The following GPHN variants were observed in gnomAD, a reference collection of about 807,000 sequenced individuals.
The protein encoded by GPHN is gephyrin.
A neutral mutation model predicts 95.5 loss-of-function variants in GPHN; 17 were observed. The observed-to-expected ratio is 0.18, with a 90% CI of 0.12 to 0.27. The LOEUF (loss-of-function observed/expected upper bound fraction) is 0.27. Ranked by LOEUF, GPHN falls within the 10% of genes least tolerant of loss-of-function variation. The probability of loss-of-function intolerance (pLI) is 1.00; values close to 1 mark genes in which losing one functional copy is unlikely to be tolerated. For synonymous variants in GPHN, 320 were observed against 322.5 expected, an observed-to-expected ratio of 0.99 and a Z score of 0.08; for missense variants, 660 against 978.1, an observed-to-expected ratio of 0.67 and a Z score of 4.34.
chr14:67,019,455 C>T (rs1000877569), intron 9 of GPHN, among the ~76,000 whole-genome samples: 1 of 152,064 alleles, frequency 6.6e-6, no homozygotes, highest in Admixed American at 6.6e-5. Flanking sequence ...CAATATGAAC[C>T]ATACTGTATA....
At chr14:66,704,902 G>A (rs2208527) in intron 2 of GPHN, among the ~76,000 whole-genome samples, 51,992 of 151,864 alleles carry the variant, frequency 0.34, 13,435 homozygotes, top group African/African-American at 0.7. Flanking sequence ...GATTAACACA[G>A]TAGATAGACT....
chr14:66,826,701 T>G (rs372955402), intron 4 of GPHN, among the ~76,000 whole-genome samples: 26 of 152,300 alleles, frequency 1.7e-4, no homozygotes, highest in African/African-American at 6.0e-4. Flanking sequence ...AATAGCCAAA[T>G]GCAGGAGATG....
the GPHN span, among the ~76,000 whole-genome samples, chr14:67,280,792 TTTCCTTCCTTCCTTCCTTCCTTCCTTCC>T: frequency 1.3e-5 from 1 of 77,604 alleles, no homozygotes; most frequent in African/African-American, 4.9e-5. Context: ...TCTGGAGCAG[TTTCCTTCCTTCCTTCCTTCCTTCCTTCC>T]TTCCTTCCTT....
intron 3 of GPHN, among the ~76,000 whole-genome samples, chr14:66,808,396 C>A (rs561334720): frequency 7.4e-4 from 113 of 152,260 alleles, no homozygotes; most frequent in Non-Finnish European, 1.4e-3. Flanking sequence ...ATTGGCTTGT[C>A]AATCTTTCAG....
At chr14:66,648,996 A>G (rs1566759516) in intron 1 of GPHN, among the ~76,000 whole-genome samples, 1 of 152,170 alleles carries the variant, frequency 6.6e-6, no homozygotes, top group South Asian at 2.1e-4. Context: ...TCTTACCCCT[A>G]AACTTTACAA....
chr14:67,090,008 T>TACTTA (rs2077082602), intron 12 of GPHN, among the ~76,000 whole-genome samples: 1 of 152,122 alleles, frequency 6.6e-6, no homozygotes, highest in Admixed American at 6.6e-5. Flanking sequence ...AATTAACACA[T>TACTTA]GCATTACCTC....
the GPHN span, among the ~76,000 whole-genome samples, chr14:67,369,969 C>G: frequency 6.6e-6 from 1 of 152,120 alleles, no homozygotes; most frequent in East Asian, 1.9e-4. Context: ...CTGAGAGCCC[C>G]GAACAGAGAT....
intron 4 of GPHN, among the ~76,000 whole-genome samples, chr14:66,843,497 T>C (rs976205668): frequency 6.6e-6 from 1 of 152,206 alleles, no homozygotes; most frequent in Admixed American, 6.5e-5. Flanking sequence ...CTCCTCTACC[T>C]ATTTGCTACC....
chr14:66,782,228 T>G (rs578126914), intron 3 of GPHN, among the ~76,000 whole-genome samples: 4 of 152,346 alleles, frequency 2.6e-5, no homozygotes, highest in African/African-American at 9.6e-5. Flanking sequence ...TTAGGACATA[T>G]GCATACTTAA....
At chr14:67,225,036 G>C in the GPHN span, 4 of 1,301,626 alleles carry the variant, frequency 3.1e-6, no homozygotes, top group African/African-American at 6.2e-5. Flanking sequence ...TTTTCCTCCT[G>C]CTTTTGGCTT....
chr14:66,895,118 T>A (rs1039022471), intron 5 of GPHN, among the ~76,000 whole-genome samples: 9 of 152,166 alleles, frequency 5.9e-5, no homozygotes, highest in African/African-American at 1.4e-4. Context: ...CAAATGTCCA[T>A]CAGTGATAGA....
At chr14:66,793,639 G>A (rs1355984990) in intron 3 of GPHN, among the ~76,000 whole-genome samples, 1 of 152,014 alleles carries the variant, frequency 6.6e-6, no homozygotes, top group African/African-American at 2.4e-5. Flanking sequence ...GTATACACAT[G>A]CATATGTAGT....
At chr14:66,758,855 G>A (rs2058663959) in intron 2 of GPHN, among the ~76,000 whole-genome samples, 1 of 152,178 alleles carries the variant, frequency 6.6e-6, no homozygotes, top group Non-Finnish European at 1.5e-5. Flanking sequence ...GCTGCAGCCA[G>A]AGACCACTGT....
At chr14:66,925,014 A>G (rs2066414609) in intron 8 of GPHN, among the ~76,000 whole-genome samples, 1 of 152,176 alleles carries the variant, frequency 6.6e-6, no homozygotes, top group Non-Finnish European at 1.5e-5. Flanking sequence ...GAAATAATAA[A>G]GTGAAATTTG....
At chr14:66,508,620 T>A in intron 1 of GPHN, 29 bp downstream of exon 1, 1 of 1,571,584 alleles carries the variant, frequency 6.4e-7, no homozygotes, top group Non-Finnish European at 8.8e-7. Flanking sequence ...CTGGGACCTA[T>A]GAGGCTGCTG....
At chr14:67,695,496 C>G in the GPHN span, 2 of 820,692 alleles carry the variant, frequency 2.4e-6, no homozygotes, top group East Asian at 2.8e-5. Flanking sequence ...CGCCTCCAAC[C>G]CACCGAACTC....
chr14:67,427,744 T>C, the GPHN span, among the ~76,000 whole-genome samples: 1 of 152,130 alleles, frequency 6.6e-6, no homozygotes, highest in Non-Finnish European at 1.5e-5. Flanking sequence ...TTAGGAGATT[T>C]GGTTTCTTTT....
the GPHN span, chr14:67,717,983 C>T: frequency 6.6e-6 from 1 of 152,130 alleles, no homozygotes; most frequent in African/African-American, 2.4e-5. Context: ...AAGTTACATA[C>T]TAGCAGCAAA....
At chr14:66,885,092 A>G (rs1302422879) in intron 5 of GPHN, among the ~76,000 whole-genome samples, 1 of 152,058 alleles carries the variant, frequency 6.6e-6, no homozygotes, top group Admixed American at 6.6e-5. Context: ...AATGAATCAA[A>G]TTATTCTTAG....
Sources: allele counts gnomAD v4.1 joint callset (sites outside exome capture counted in the v4.1 genomes callset), GRCh38; gene constraint gnomAD v4.1.1; transcripts MANE v1.5; gene names NCBI Gene and HGNC (gene_info 2026-07-23, HGNC 2026-07-21).